The following CPNE5 variants were observed in gnomAD, a reference collection of about 807,000 sequenced individuals.
CPNE5 encodes copine-5.
CPNE5 carries 42 observed loss-of-function variants against 81.1 expected under a neutral mutation model. That is an observed-to-expected ratio of 0.52 (90% CI 0.40 to 0.67). The LOEUF is 0.67. Ranked by LOEUF, CPNE5 falls within the 30% of genes least tolerant of loss-of-function variation. The pLI is 0.00. For synonymous variants in CPNE5, 313 were observed against 321.5 expected, an observed-to-expected ratio of 0.97 and a Z score of 0.28; for missense variants, 612 against 815.5, an observed-to-expected ratio of 0.75 and a Z score of 3.04.
Position 36,839,189 on chromosome 6 carries a change from G to T in CPNE5, c.95+94C>A. ...CCTGGAGACCAGGACACTCTGGGAAGGGGGCGCGCGGAGGTTTAGGATCGA... is the reference window on the plus strand; with the variant it reads ...CCTGGAGACCAGGACACTCTGGGAATGGGGCGCGCGGAGGTTTAGGATCGA... On this transcript the variant is annotated intron_variant, in intron 1 of 20. Transcript: ENST00000244751. The surrounding 1 kb of genome is among the most constrained non-coding windows in gnomAD (Gnocchi z 7.3). The T allele has an allele frequency of 1.1e-6, 1 of 896,030 alleles. No individual in the cohort carries two copies. The highest frequency in any genetic ancestry group is 1.7e-5 in the African/African-American group (1 of 58,532). The allele number at this position is 896,030 out of a possible 1,614,324, so 55.5% of individuals were successfully genotyped here. A position where few individuals can be genotyped will look rare whatever the true frequency, so the allele number is the denominator to read the frequency against.
At chr6:36,835,230 C>G (rs1329067659) in intron 1 of CPNE5, among the ~76,000 whole-genome samples, 1 of 152,232 alleles carries the variant, frequency 6.6e-6, no homozygotes. Context: ...AAATGCAAAT[C>G]ATTCTTTCTA....
At chr6:36,805,253 T>C (rs1770486103) in intron 3 of CPNE5, among the ~76,000 whole-genome samples, 1 of 151,864 alleles carries the variant, frequency 6.6e-6, no homozygotes, top group Admixed American at 6.5e-5. Context: ...ATCTAACTGC[T>C]GTGCAGCAAA....
intron 15 of CPNE5, among the ~76,000 whole-genome samples, chr6:36,747,476 A>T (rs557116876): frequency 6.6e-6 from 1 of 152,348 alleles, no homozygotes; most frequent in East Asian, 1.9e-4. Context: ...TATTACACAG[A>T]TGCTATCGAT....
At chr6:36,792,693 G>C (rs1471046420) in intron 7 of CPNE5, among the ~76,000 whole-genome samples, 2 of 152,148 alleles carry the variant, frequency 1.3e-5, no homozygotes, top group African/African-American at 4.8e-5. Flanking sequence ...CCAGTGAAGT[G>C]GGCAACCAGA....
At chr6:36,775,096 C>G in intron 9 of CPNE5, 31 bp from the exon 10 acceptor site, 1 of 1,570,764 alleles carries the variant, frequency 6.4e-7, no homozygotes, top group Non-Finnish European at 8.8e-7. Context: ...GAAAGGCTGT[C>G]AGGCCCAAAC....
At position 36,742,331 on chromosome 6, in the gene CPNE5, G is replaced by T. The variant is rs768660677; in HGVS notation, c.1719C>A (p.Thr573=). 3.4e-5 allele frequency: 55 copies of T among 1,612,214 alleles called. No homozygotes were observed. The highest frequency in any genetic ancestry group is 4.7e-5 in the Non-Finnish European group (55 of 1,179,824). The change falls in exon 21 of 21, where the codon ACC becomes ACA. Residue 573 remains threonine (T), a synonymous_variant. Transcript: ENST00000244751. ...GGGCTGGGGACTGCGAGGGCGAGTGGGTTGGTGCTGCGGGTGGGGGACGCG... is the reference window on the plus strand; with the variant it reads ...GGGCTGGGGACTGCGAGGGCGAGTGTGTTGGTGCTGCGGGTGGGGGACGCG... ...IRPRPPPAAP[T]HSPSQSPART...
chr6:36,757,111 G>T (rs1765557963), intron 12 of CPNE5, among the ~76,000 whole-genome samples: 1 of 152,130 alleles, frequency 6.6e-6, no homozygotes, highest in South Asian at 2.1e-4. Context: ...CCAAGACTGG[G>T]CAAAGTGACG....
intron 3 of CPNE5, among the ~76,000 whole-genome samples, chr6:36,818,088 C>CA (rs1771715594): frequency 6.6e-6 from 1 of 152,138 alleles, no homozygotes; most frequent in African/African-American, 2.4e-5. Context: ...AGTCCTGCCC[C>CA]CGTCTGTAGG....
intron 3 of CPNE5, among the ~76,000 whole-genome samples, chr6:36,809,953 C>T (rs576890135): frequency 1.3e-5 from 2 of 151,972 alleles, no homozygotes; most frequent in South Asian, 4.2e-4. Flanking sequence ...ATTTAACCCC[C>T]TCCAATGACC....
Position 36,766,562 on chromosome 6 carries a change from A to G in CPNE5, c.738-1186T>C, listed in dbSNP as rs938015200. ...AAACCATGTCTCTCTGAGGTGAATT[A>G]TTGTGGAAAGGAAAAAAAAATCACC... On this transcript the variant is annotated intron_variant, in intron 10 of 20. Transcript: ENST00000244751. The surrounding 1 kb of genome is among the most constrained non-coding windows in gnomAD (Gnocchi z 4.2). Among the ~76,000 whole-genome samples the G allele has an allele frequency of 8.5e-5, 13 of 152,066 alleles. No individual in the cohort carries two copies. The highest frequency in any genetic ancestry group is 1.9e-4 in the Non-Finnish European group (13 of 68,018).
intron 11 of CPNE5, among the ~76,000 whole-genome samples, chr6:36,764,160 T>G (rs1445703340): frequency 7.0e-6 from 1 of 143,242 alleles, no homozygotes; most frequent in Non-Finnish European, 1.5e-5. Flanking sequence ...TATGAGCAAC[T>G]TCATGGTGGG....
At chr6:36,839,469 C>T (rs1304400640), upstream of CPNE5, 14 of 1,091,936 alleles carry the variant, frequency 1.3e-5, no homozygotes, top group Non-Finnish European at 2.6e-6. This position sits in a 1 kb window ranked among gnomAD's most constrained non-coding sequence, Gnocchi z 7.3. Flanking sequence ...TCCCCCAACT[C>T]CAGAGCCTGG....
In CPNE5 at chr6:36,742,024, G is replaced by A. The variant is rs1763618227; in HGVS notation, c.*244C>T. The A allele has an allele frequency of 2.0e-6, 1 of 494,120 alleles. No individual in the cohort carries two copies. The highest frequency in any genetic ancestry group is 3.6e-6 in the Non-Finnish European group (1 of 278,368). The allele number at this position is 494,120 out of a possible 1,614,324, so 30.6% of individuals were successfully genotyped here. ...TGGGTTAGAGCCAGGTATTGGGGAAGAAGAGAAGGGCTGGGTCCCTGTGTA... is the reference window on the plus strand; with the variant it reads ...TGGGTTAGAGCCAGGTATTGGGGAAAAAGAGAAGGGCTGGGTCCCTGTGTA... On this transcript the variant is annotated 3_prime_UTR_variant, in exon 21 of 21. Transcript: ENST00000244751.
chr6:36,749,201 G>T (rs1312163307), intron 14 of CPNE5, among the ~76,000 whole-genome samples: 1 of 151,950 alleles, frequency 6.6e-6, no homozygotes, highest in Non-Finnish European at 1.5e-5. Context: ...CTCCCAAAGT[G>T]CTGGGATTAC....
chr6:36,832,603 C>T (rs1030496465), intron 1 of CPNE5, among the ~76,000 whole-genome samples: 7 of 152,010 alleles, frequency 4.6e-5, no homozygotes, highest in East Asian at 3.9e-4. Flanking sequence ...AATACAAAGA[C>T]GACTGGGTCC....
chr6:36,824,551 C>T (rs1317566219), intron 1 of CPNE5, among the ~76,000 whole-genome samples: 1 of 152,248 alleles, frequency 6.6e-6, no homozygotes, highest in East Asian at 1.9e-4. Context: ...TCCTTCTCTA[C>T]TCCCACAACC....
At position 36,778,900 on chromosome 6, in the gene CPNE5, T is replaced by C; in HGVS notation, c.586A>G (p.Lys196Glu). The C allele has an allele frequency of 6.2e-7, 1 of 1,606,910 alleles. No homozygotes were observed. The highest frequency in any genetic ancestry group is 8.5e-7 in the Non-Finnish European group (1 of 1,173,948). ...TAGAATACCAAGAAGGGGTCAGATTTCCCAAAGAAATCTTTCTTGTCCAGC... is the reference window on the plus strand; with the variant it reads ...TAGAATACCAAGAAGGGGTCAGATTCCCCAAAGAAATCTTTCTTGTCCAGC... ...NKLDKKDFFGKSDPFLVFYRS... is the reference protein window; with the variant it reads ...NKLDKKDFFGESDPFLVFYRS... The change falls in exon 9 of 21, where the codon AAA (lysine) becomes GAA (glutamate). Residue 196 changes from lysine (K) to glutamate (E), a missense_variant. Transcript: ENST00000244751.
At chr6:36,779,067 CGACT>C (rs1767795685) in intron 8 of CPNE5, 110 bp from the exon 9 acceptor site, 4 of 718,396 alleles carry the variant, frequency 5.6e-6, no homozygotes, top group Non-Finnish European at 1.0e-5. Context: ...TGGAATGCAC[CGACT>C]AAGTGCCAGG....
intron 8 of CPNE5, among the ~76,000 whole-genome samples, chr6:36,780,210 G>A (rs779548031): frequency 3.9e-5 from 6 of 152,008 alleles, no homozygotes; most frequent in South Asian, 4.1e-4. Flanking sequence ...TGATCCGCCC[G>A]CCTCAGCCTC....
Sources: allele counts gnomAD v4.1 joint callset (sites outside exome capture counted in the v4.1 genomes callset), GRCh38; gene constraint gnomAD v4.1.1; non-coding constraint Gnocchi (gnomAD v3.1); transcripts MANE v1.5; gene names NCBI Gene and HGNC (gene_info 2026-07-23, HGNC 2026-07-21).